CNTNAP2: variants seen among roughly 807,000 people sequenced by gnomAD.
CNTNAP2 encodes contactin associated protein 2, also known as contactin-associated protein-like 2.
In CNTNAP2, 98 loss-of-function variants were observed where a neutral mutation model predicts 155.2. That is an observed-to-expected ratio of 0.63 (90% CI 0.54 to 0.75). The LOEUF (loss-of-function observed/expected upper bound fraction) is 0.75, where lower values mean the gene tolerates loss of function less well. Among genes scored for constraint, CNTNAP2 ranks in the 30% least tolerant of loss-of-function variants. CNTNAP2 has a pLI of 0.00. For synonymous variants in CNTNAP2, 651 were observed against 631.2 expected, an observed-to-expected ratio of 1.03 and a Z score of -0.47; for missense variants, 1,727 against 1,688.1, an observed-to-expected ratio of 1.02 and a Z score of -0.40.
intron 18 of CNTNAP2, among the ~76,000 whole-genome samples, chr7:148,179,038 G>A (rs1794990156): frequency 6.6e-6 from 1 of 152,184 alleles, no homozygotes; most frequent in Non-Finnish European, 1.5e-5. Context: ...GCCCTGAAGG[G>A]CTGAGAAGTA....
chr7:146,867,209 T>A (rs1795221380), intron 3 of CNTNAP2, among the ~76,000 whole-genome samples: 1 of 152,056 alleles, frequency 6.6e-6, no homozygotes, highest in Non-Finnish European at 1.5e-5. Context: ...GTCTGTTGTT[T>A]CCTTCCTTGT....
At position 148,013,959 on chromosome 7, in the gene CNTNAP2, T is replaced by C. The variant is rs373121169; in HGVS notation, c.2383+35970T>C. On this transcript the variant is annotated intron_variant, in intron 15 of 23. Coordinates refer to ENST00000361727, the MANE Select transcript of CNTNAP2 (RefSeq NM_014141.6). Reference sequence around the variant, plus strand: ...TTGGTACAAGGAAATTAACCATGGTTGGGTTTTTGAGCCATAGATATGATA... The same window carrying C: ...TTGGTACAAGGAAATTAACCATGGTCGGGTTTTTGAGCCATAGATATGATA... The C allele has an allele frequency of 2.6e-5, 4 of 152,128 alleles. No homozygotes were observed. The East Asian group carries it at 5.8e-4, about 22-fold the overall frequency. 9.4% of individuals were successfully genotyped at this position (152,128 alleles called of 1,614,324 possible).
rs151212716 is a variant in CNTNAP2, at chr7:146,250,541, G to A, written c.97+133568G>A. Among the ~76,000 whole-genome samples, 1,142 of 152,290 alleles carry A rather than the reference G, an allele frequency of 7.5e-3. 16 individuals carry two copies. Among genetic ancestry groups the A allele is most frequent in the African/African-American group, 0.025 (1,044 of 41,552 alleles). On this transcript the variant is annotated intron_variant, in intron 1 of 23. Coordinates refer to ENST00000361727, the MANE Select transcript of CNTNAP2 (RefSeq NM_014141.6). ...GGCTTTCACTCTCTTACTATGGCCA[G>A]CTTCACAGTCTCTGTGACCCTTCAA...
chr7:146,924,447 T>C (rs1441459619), intron 3 of CNTNAP2, among the ~76,000 whole-genome samples: 1 of 152,046 alleles, frequency 6.6e-6, no homozygotes, highest in East Asian at 1.9e-4. Context: ...TATTTAGCAA[T>C]ATATGGTAGA....
At chr7:146,507,988 A>G (rs927199150) in intron 1 of CNTNAP2, among the ~76,000 whole-genome samples, 1 of 152,190 alleles carries the variant, frequency 6.6e-6, no homozygotes, top group African/African-American at 2.4e-5. Context: ...TTCCATCATC[A>G]AGTGATCCAT....
chr7:146,711,215 C>T (rs1397682024), intron 1 of CNTNAP2, among the ~76,000 whole-genome samples: 6 of 147,766 alleles, frequency 4.1e-5, no homozygotes, highest in East Asian at 3.9e-4. Flanking sequence ...CACACATACA[C>T]ATATATTTTA....
intron 1 of CNTNAP2, among the ~76,000 whole-genome samples, chr7:146,650,065 G>A (rs1228994147): frequency 6.6e-6 from 1 of 152,066 alleles, no homozygotes; most frequent in African/African-American, 2.4e-5. Context: ...ACTGCTGGTG[G>A]GAGTGTTATT....
At chr7:148,370,494 C>T (rs955391970) in intron 21 of CNTNAP2, among the ~76,000 whole-genome samples, 13 of 152,186 alleles carry the variant, frequency 8.5e-5, no homozygotes, top group Non-Finnish European at 1.6e-4. Flanking sequence ...CATTCAACCC[C>T]ATCTTGTGGA....
chr7:146,361,596 C>T (rs891801110), intron 1 of CNTNAP2, among the ~76,000 whole-genome samples: 1 of 152,206 alleles, frequency 6.6e-6, no homozygotes, highest in Non-Finnish European at 1.5e-5. Context: ...TGGTACCCCA[C>T]AGCTTTCGGA....
chr7:147,765,619 C>A (rs919425416), intron 13 of CNTNAP2, among the ~76,000 whole-genome samples: 1 of 152,002 alleles, frequency 6.6e-6, no homozygotes, highest in African/African-American at 2.4e-5. Flanking sequence ...AGTTATACAT[C>A]GCCGTTTGGG....
At chr7:148,372,520 C>G (rs954574663) in intron 21 of CNTNAP2, among the ~76,000 whole-genome samples, 70 of 152,054 alleles carry the variant, frequency 4.6e-4, no homozygotes, top group Non-Finnish European at 1.9e-4. Context: ...CCAGCCTGAT[C>G]AACATGGTGA....
At chr7:148,013,575 C>T (rs117786361) in intron 15 of CNTNAP2, among the ~76,000 whole-genome samples, 3 of 152,158 alleles carry the variant, frequency 2.0e-5, no homozygotes, top group South Asian at 4.1e-4. Context: ...TCTAAGTGGA[C>T]TTCCTCTTGT....
intron 1 of CNTNAP2, among the ~76,000 whole-genome samples, chr7:146,615,136 A>T (rs1450459754): frequency 6.6e-6 from 1 of 152,202 alleles, no homozygotes; most frequent in Non-Finnish European, 1.5e-5. Context: ...TGCCTAGCTT[A>T]CTTGATCTCT....
chr7:148,063,070 A>G (rs1803186378), intron 15 of CNTNAP2, among the ~76,000 whole-genome samples: 1 of 152,168 alleles, frequency 6.6e-6, no homozygotes, highest in Non-Finnish European at 1.5e-5. Context: ...TATAGTATAT[A>G]TGTATCAGAA....
At chr7:146,290,773 G>T (rs933968973) in intron 1 of CNTNAP2, among the ~76,000 whole-genome samples, 1 of 152,170 alleles carries the variant, frequency 6.6e-6, no homozygotes, top group Non-Finnish European at 1.5e-5. Flanking sequence ...AAGTTCAGAC[G>T]AATGAACTGA....
intron 1 of CNTNAP2, among the ~76,000 whole-genome samples, chr7:146,304,743 T>C (rs1157587994): frequency 3.9e-5 from 6 of 152,102 alleles, no homozygotes; most frequent in Admixed American, 2.6e-4. Flanking sequence ...CTGACAATTA[T>C]GTGTCTTGGA....
intron 1 of CNTNAP2, among the ~76,000 whole-genome samples, chr7:146,185,020 C>T (rs1257939679): frequency 1.3e-5 from 2 of 152,070 alleles, no homozygotes; most frequent in Non-Finnish European, 2.9e-5. Context: ...TTCCAAAAAT[C>T]ACGCTCAAAC....
intron 17 of CNTNAP2, among the ~76,000 whole-genome samples, chr7:148,162,825 G>A (rs1399213908): frequency 6.6e-6 from 1 of 151,304 alleles, no homozygotes; most frequent in Non-Finnish European, 1.5e-5. Flanking sequence ...GCAAGACCTT[G>A]TCTCTACAAA....
rs149517512 is a variant in CNTNAP2 at position 148,195,710 on chromosome 7, T to C, written c.3011-21578T>C. Among the ~76,000 whole-genome samples the C allele has an allele frequency of 3.7e-4, 57 of 152,342 alleles. No individual in the cohort carries two copies. The East Asian group carries it at 0.01, about 28-fold the overall frequency. Reference sequence around the variant, plus strand: ...ATAGGATAACTCCAAAGCTGTCATATTTGTCAAATAATTCAAGTCAGAATT... The same window carrying C: ...ATAGGATAACTCCAAAGCTGTCATACTTGTCAAATAATTCAAGTCAGAATT... On this transcript the variant is annotated intron_variant, in intron 18 of 23. Coordinates refer to ENST00000361727, the MANE Select transcript of CNTNAP2 (RefSeq NM_014141.6).
Sources: allele counts gnomAD v4.1 joint callset (sites outside exome capture counted in the v4.1 genomes callset), GRCh38; gene constraint gnomAD v4.1.1; transcripts MANE v1.5; gene names NCBI Gene and HGNC (gene_info 2026-07-23, HGNC 2026-07-21).